SOBP: variants seen among roughly 807,000 people sequenced by gnomAD.
The protein encoded by SOBP is sine oculis-binding protein homolog.
Under a neutral mutation model 53.6 loss-of-function variants are expected in SOBP, and 4 were observed. The observed-to-expected ratio is 0.07, with a 90% CI of 0.04 to 0.17. The LOEUF (loss-of-function observed/expected upper bound fraction) is 0.17. Ranked by LOEUF, SOBP falls within the 10% of genes least tolerant of loss-of-function variation. SOBP has a pLI of 1.00. For synonymous variants in SOBP, 584 were observed against 522.6 expected, an observed-to-expected ratio of 1.12 and a Z score of -1.60; for missense variants, 1,088 against 1,204.7, an observed-to-expected ratio of 0.90 and a Z score of 1.43.
rs147893835 is a variant in SOBP, at chr6:107,660,656, T to G, written c.*2453T>G. On this transcript the variant is annotated 3_prime_UTR_variant, in exon 7 of 7. Coordinates refer to ENST00000317357, the MANE Select transcript of SOBP (RefSeq NM_018013.4). ...CCGTTTGGCTCTTTGATACCTGAGT[T>G]AAATATCAGAAAGTTCCTAAGGTGG... Among the ~76,000 whole-genome samples the G allele has an allele frequency of 6.6e-4, 101 of 152,338 alleles. No homozygotes were observed. Among genetic ancestry groups the G allele is most frequent in the African/African-American group, 2.3e-3 (97 of 41,562 alleles).
In SOBP at chr6:107,635,260, C is replaced by G. The variant is rs755488373; in HGVS notation, c.2416C>G (p.Leu806Val). ...GGGGGGCGACAAGTCAGACCCGAAC[C>G]TTAATAACCCCGCGGACGAGGACCA... ...LAGGDKSDPNLNNPADEDHAY... is the reference protein window; with the variant it reads ...LAGGDKSDPNVNNPADEDHAY... Residue 806 changes from leucine (L) to valine (V), a missense_variant, in exon 6 of 7, where the codon CTT becomes GTT. Leu to Val is a conservative substitution (Grantham distance 32, BLOSUM62 1). Coordinates refer to ENST00000317357, the MANE Select transcript of SOBP (RefSeq NM_018013.4). The surrounding 1 kb of genome is among the most constrained non-coding windows in gnomAD (Gnocchi z 4.5). The G allele has an allele frequency of 6.2e-7, 1 of 1,613,958 alleles. No homozygotes were observed.
In SOBP at chr6:107,633,635, A is replaced by G; in HGVS notation, c.791A>G (p.Tyr264Cys). 1 of 1,614,278 alleles carries G rather than the reference A, an allele frequency of 6.2e-7. No individual in the cohort carries two copies. The highest frequency in any genetic ancestry group is 1.3e-5 in the African/African-American group (1 of 75,068). ...CLNQYKMDIFYKETQANLPAG... is the reference protein window; with the variant it reads ...CLNQYKMDIFCKETQANLPAG... ...AATCAATACAAAATGGACATTTTCT[A>G]CAAAGAGACCCAGGCCAATCTTCCA... The change falls in exon 6 of 7, where the codon TAC becomes TGC. Residue 264 changes from tyrosine (Y) to cysteine (C), a missense_variant. Around this residue, in one of 6 missense-constraint regions of SOBP, gnomAD observed 211 missense variants for 258.9 expected, o/e 0.82. Transcript: ENST00000317357.
chr6:107,587,025 T>C, intron 4 of SOBP, 55 bp from the exon 5 acceptor site: 1 of 1,361,208 alleles, frequency 7.3e-7, no homozygotes, highest in Non-Finnish European at 1.1e-6. Context: ...GCTTTTTAGC[T>C]TTTTTTCTTC....
At chr6:107,603,233 C>T (rs902424992) in intron 5 of SOBP, among the ~76,000 whole-genome samples, 12 of 152,198 alleles carry the variant, frequency 7.9e-5, no homozygotes, top group African/African-American at 2.7e-4. Flanking sequence ...ATGGACACTC[C>T]GCTGACACTT....
chr6:107,635,416 G>A lies in SOBP; in HGVS notation c.2572G>A (p.Glu858Lys). The A allele has an allele frequency of 6.2e-7, 1 of 1,613,408 alleles. No individual in the cohort carries two copies. The highest frequency in any genetic ancestry group is 8.5e-7 in the Non-Finnish European group (1 of 1,180,022). ...GCTCAGCGCCGGGCCTGAGGACCTG[G>A]AGCCGCCGCTCAAAAGGAGGTGCCT... ...PMLSAGPEDL[E>K]PPLKRRCLRI... The change falls in exon 6 of 7, where the codon GAG becomes AAG. Residue 858 changes from glutamate (E) to lysine (K), a missense_variant. This residue lies in a region of SOBP where 665 missense variants were observed against 629.7 expected (regional missense o/e 1.06). Transcript: ENST00000317357. This position sits in a 1 kb window ranked among gnomAD's most constrained non-coding sequence, Gnocchi z 4.5.
chr6:107,523,256 C>CT (rs1386294826), intron 3 of SOBP, among the ~76,000 whole-genome samples: 1 of 152,156 alleles, frequency 6.6e-6, no homozygotes, highest in African/African-American at 2.4e-5. Flanking sequence ...TTTTGGCATG[C>CT]TGTGTCTCAT....
At chr6:107,539,150 G>T (rs995986577) in intron 4 of SOBP, among the ~76,000 whole-genome samples, 7 of 152,194 alleles carry the variant, frequency 4.6e-5, no homozygotes, top group African/African-American at 1.7e-4. Flanking sequence ...GGGGCAAGTA[G>T]GTTTGTACTG....
intron 5 of SOBP, among the ~76,000 whole-genome samples, chr6:107,603,553 T>G (rs902476046): frequency 6.6e-6 from 1 of 152,186 alleles, no homozygotes; most frequent in South Asian, 2.1e-4. Flanking sequence ...TTTACAGACA[T>G]GCCAGGACTG....
At chr6:107,562,360 A>G (rs761462982) in intron 4 of SOBP, among the ~76,000 whole-genome samples, 6 of 152,176 alleles carry the variant, frequency 3.9e-5, no homozygotes, top group Non-Finnish European at 8.8e-5. Flanking sequence ...ATGATGGTAT[A>G]TTAAAAGGAA....
chr6:107,584,428 A>G (rs2115056576), intron 4 of SOBP, among the ~76,000 whole-genome samples: 1 of 152,280 alleles, frequency 6.6e-6, no homozygotes, highest in South Asian at 2.1e-4. Context: ...TGTGTGAGTT[A>G]TTTGTGCACA....
chr6:107,495,368 C>T (rs1315600522), intron 1 of SOBP, among the ~76,000 whole-genome samples: 1 of 152,188 alleles, frequency 6.6e-6, no homozygotes, highest in Non-Finnish European at 1.5e-5. Flanking sequence ...CTGTTCAAAC[C>T]AGGAGTTTTC....
chr6:107,569,153 A>G (rs1286326301), intron 4 of SOBP, among the ~76,000 whole-genome samples: 1 of 152,216 alleles, frequency 6.6e-6, no homozygotes, highest in Non-Finnish European at 1.5e-5. Flanking sequence ...AATCCTGAGC[A>G]GTATCAGATT....
At position 107,494,231 on chromosome 6, in the gene SOBP, G is replaced by A. The variant is rs111435753; in HGVS notation, c.96+3519G>A. Reference sequence around the variant, plus strand: ...CAGAGTATATGTTTCTAAAGTGAATGTTGTGATTGTGTCTAATGTAATATG... The same window carrying A: ...CAGAGTATATGTTTCTAAAGTGAATATTGTGATTGTGTCTAATGTAATATG... On this transcript the variant is annotated intron_variant, in intron 1 of 6. Coordinates refer to ENST00000317357, the MANE Select transcript of SOBP (RefSeq NM_018013.4). 8.7e-3 allele frequency among the ~76,000 whole-genome samples: 1,319 copies of A among 152,286 alleles called. 30 individuals are homozygous for A. The highest frequency in any genetic ancestry group is 0.03 in the African/African-American group (1,247 of 41,558).
chr6:107,509,570 G>A (rs1783105193), intron 3 of SOBP, among the ~76,000 whole-genome samples: 1 of 151,978 alleles, frequency 6.6e-6, no homozygotes, highest in Non-Finnish European at 1.5e-5. Flanking sequence ...ATTTATTTGA[G>A]CAAAGCAAAC....
At chr6:107,558,932 T>A (rs1375818832) in intron 4 of SOBP, among the ~76,000 whole-genome samples, 1 of 152,110 alleles carries the variant, frequency 6.6e-6, no homozygotes. Flanking sequence ...ATTGTATATT[T>A]TTTGTAGATG....
At chr6:107,522,715 G>A (rs1454487797) in intron 3 of SOBP, among the ~76,000 whole-genome samples, 1 of 151,418 alleles carries the variant, frequency 6.6e-6, no homozygotes, top group Non-Finnish European at 1.5e-5. Flanking sequence ...GCTAATTTTT[G>A]TATTTTTTTG....
intron 4 of SOBP, among the ~76,000 whole-genome samples, chr6:107,559,676 A>G (rs1488692625): frequency 6.6e-6 from 1 of 152,194 alleles, no homozygotes; most frequent in Non-Finnish European, 1.5e-5. Flanking sequence ...TAAATTTGTC[A>G]TGGTTGGAGT....
chr6:107,538,986 A>G (rs1264499843), intron 4 of SOBP, among the ~76,000 whole-genome samples: 1 of 152,188 alleles, frequency 6.6e-6, no homozygotes, highest in Non-Finnish European at 1.5e-5. Context: ...AGAGCTAGAA[A>G]GTGTTCCAAG....
At chr6:107,559,031 T>G (rs773176372) in intron 4 of SOBP, among the ~76,000 whole-genome samples, 1 of 152,212 alleles carries the variant, frequency 6.6e-6, no homozygotes, top group Non-Finnish European at 1.5e-5. Flanking sequence ...ACATCTCCAG[T>G]GTTTGAAACT....
Sources: allele counts gnomAD v4.1 joint callset (sites outside exome capture counted in the v4.1 genomes callset), GRCh38; gene constraint gnomAD v4.1.1; regional missense constraint gnomAD v4.1.1; non-coding constraint Gnocchi (gnomAD v3.1); transcripts MANE v1.5; gene names NCBI Gene and HGNC (gene_info 2026-07-23, HGNC 2026-07-21).